Variants in MCM9 observed in about 807,000 individuals in gnomAD.
The protein encoded by MCM9 is DNA helicase MCM9.
Under a neutral mutation model 72.8 loss-of-function variants are expected in MCM9, and 55 were observed. The ratio of observed to expected loss-of-function variants is 0.76; its 90% CI spans 0.61 to 0.95. The LOEUF is 0.95. MCM9 is among the 40% of genes least tolerant of loss of function. The pLI, the probability that MCM9 is intolerant of heterozygous loss-of-function variation, is 0.00. For synonymous variants in MCM9, 480 were observed against 503.4 expected, an observed-to-expected ratio of 0.95 and a Z score of 0.62; for missense variants, 1,279 against 1,377.0, an observed-to-expected ratio of 0.93 and a Z score of 1.13.
At chr6:118,867,624 A>C (rs915590991) in intron 8 of MCM9, among the ~76,000 whole-genome samples, 3 of 152,234 alleles carry the variant, frequency 2.0e-5, no homozygotes, top group African/African-American at 7.2e-5. Context: ...TATTCCATAC[A>C]GTAACATGCT....
At chr6:118,926,090 T>C (rs1781870029) in intron 3 of MCM9, among the ~76,000 whole-genome samples, 1 of 152,204 alleles carries the variant, frequency 6.6e-6, no homozygotes. Context: ...TCACTCCCCA[T>C]TCTTCCATAA....
intron 8 of MCM9, among the ~76,000 whole-genome samples, chr6:118,896,972 G>A (rs1397673879): frequency 1.3e-5 from 2 of 151,882 alleles, no homozygotes; most frequent in African/African-American, 4.8e-5. Flanking sequence ...TGAATAGCTG[G>A]GACCATAGTC....
chr6:118,894,631 CG>C (rs1779218813), intron 8 of MCM9: 1 of 982,284 alleles, frequency 1.0e-6, no homozygotes, highest in Non-Finnish European at 1.5e-6. Flanking sequence ...CTGGCGGCCG[CG>C]GGCTGCTCTG....
At chr6:118,858,924 G>A (rs146361387) in intron 8 of MCM9, among the ~76,000 whole-genome samples, 11,624 of 152,150 alleles carry the variant, frequency 0.076, 686 homozygotes, top group East Asian at 0.19. Context: ...AATAAATAAA[G>A]TGACAAGGTG....
At chr6:118,837,381 G>T (rs1775034779) in intron 9 of MCM9, among the ~76,000 whole-genome samples, 1 of 152,164 alleles carries the variant, frequency 6.6e-6, no homozygotes, top group Non-Finnish European at 1.5e-5. Flanking sequence ...ATGTCTATTA[G>T]GTCCGCTTGG....
chr6:118,820,751 G>A (rs568237889), intron 13 of MCM9, among the ~76,000 whole-genome samples: 1 of 152,226 alleles, frequency 6.6e-6, no homozygotes, highest in East Asian at 1.9e-4. Context: ...TATTGTGTGG[G>A]AGTCTAAGTT....
At position 118,827,946 on chromosome 6, in the gene MCM9, G is replaced by A; in HGVS notation, c.1713C>T (p.Ser571=). The change falls in exon 11 of 14, where the codon AGC becomes AGT. Residue 571 remains serine, a synonymous_variant. Coordinates refer to ENST00000619706, the MANE Select transcript of MCM9 (RefSeq NM_017696.3). ...AARTTIRLLE[S]LIRLAEAHAR... ...ATAGACCTTCTGCTAATCGTATCAA[G>A]CTTTCCAACAGCCGAATGGTGGTCC... 1.3e-6 allele frequency: 2 copies of A among 1,550,960 alleles called. No individual in the cohort carries two copies. Among genetic ancestry groups the A allele is most frequent in the South Asian group, 2.4e-5 (2 of 84,062 alleles).
chr6:118,924,861 T>C (rs866339335), intron 3 of MCM9, among the ~76,000 whole-genome samples: 3 of 152,076 alleles, frequency 2.0e-5, no homozygotes, highest in East Asian at 1.9e-4. Flanking sequence ...CTGGGCAACA[T>C]AGTGGGACCC....
Position 118,856,413 on chromosome 6 carries a change from T to C in MCM9, c.1283A>G (p.His428Arg), listed in dbSNP as rs1776554491. ...SLKEHDRTSIHEAMEQQTISV... is the reference protein window; with the variant it reads ...SLKEHDRTSIREAMEQQTISV... ...TATGGTTTGTTGCTCCATTGCTTCA[T>C]GGATACTGGTCCTATCATGCTCTTT... The change falls in exon 9 of 14, where the codon CAT becomes CGT. Residue 428 changes from histidine to arginine, a missense_variant. His to Arg is a conservative substitution (Grantham distance 29). Transcript: ENST00000619706. 1 of 1,535,648 alleles carries C rather than the reference T, an allele frequency of 6.5e-7. No homozygotes were observed. Among genetic ancestry groups the C allele is most frequent in the Non-Finnish European group, 8.7e-7 (1 of 1,146,870 alleles).
At chr6:118,911,170 A>T (rs1300847307) in intron 8 of MCM9, 19 of 985,252 alleles carry the variant, frequency 1.9e-5, no homozygotes, top group Non-Finnish European at 2.2e-5. Context: ...ATGAAGCTCC[A>T]CATTGCAATG....
chr6:118,912,133 G>A (rs2114585568), intron 7 of MCM9: 1 of 159,628 alleles, frequency 6.3e-6, no homozygotes, highest in Non-Finnish European at 1.4e-5. Flanking sequence ...GCCTGGGCAA[G>A]ACTCCATGTC....
At chr6:118,845,519 A>C (rs1326340472) in intron 9 of MCM9, among the ~76,000 whole-genome samples, 1 of 151,810 alleles carries the variant, frequency 6.6e-6, no homozygotes, top group East Asian at 1.9e-4. Flanking sequence ...GAGCTCTTTT[A>C]AAAAAATTTT....
chr6:118,815,064 A>C lies in MCM9; in HGVS notation c.3192T>G (p.Thr1064=). 3 of 1,550,584 alleles carry C rather than the reference A, an allele frequency of 1.9e-6. No individual in the cohort carries two copies. Among genetic ancestry groups the C allele is most frequent in the Non-Finnish European group, 1.7e-6 (2 of 1,146,882 alleles). The change falls in exon 14 of 14, where the codon ACT becomes ACG. Residue 1064 remains threonine (T), a synonymous_variant. Transcript: ENST00000619706. ...TLARLANFCF[T]PPSESKSKSP... ...ATTTTGATTTGGATTCCGATGGGGGAGTAAAGCAGAAGTTTGCCAATCTGG... is the reference window on the plus strand; with the variant it reads ...ATTTTGATTTGGATTCCGATGGGGGCGTAAAGCAGAAGTTTGCCAATCTGG...
chr6:118,924,224 T>G, intron 3 of MCM9, 97 bp from the exon 4 acceptor site: 1 of 1,105,304 alleles, frequency 9.0e-7, no homozygotes, highest in Admixed American at 2.3e-5. Flanking sequence ...TAAATTTTAA[T>G]TTCAGGGGGA....
In MCM9 at chr6:118,893,922, TCCCGCCGCAGCCACGCCTC is replaced by T. The variant is rs931219561; in HGVS notation, c.1150+17709_1150+17727del. 16 of 721,568 alleles carry T rather than the reference TCCCGCCGCAGCCACGCCTC, an allele frequency of 2.2e-5. No homozygotes were observed. The South Asian group carries it at 4.9e-4, about 22-fold the overall frequency. The allele number at this position is 721,568 out of a possible 1,614,324, so 44.7% of individuals were successfully genotyped here. A position where few individuals can be genotyped will look rare whatever the true frequency, so the allele number is the denominator to read the frequency against. ...GGCGGGCGTCGGCCGGATCGCGCCC[TCCCGCCGCAGCCACGCCTC>T]CCCGCCGCGGCCACGCCCCCTCCGC... On this transcript the variant is annotated intron_variant, in intron 8 of 13. Transcript: ENST00000619706.
At chr6:118,924,935 T>C (rs774664642) in intron 3 of MCM9, among the ~76,000 whole-genome samples, 1 of 151,750 alleles carries the variant, frequency 6.6e-6, no homozygotes, top group Non-Finnish European at 1.5e-5. Context: ...CCCCAGCAAC[T>C]CGGTAGGGCT....
At chr6:118,850,363 T>C (rs36186488) in intron 9 of MCM9, among the ~76,000 whole-genome samples, 20,484 of 151,848 alleles carry the variant, frequency 0.13, 1,639 homozygotes, top group Non-Finnish European at 0.17. Flanking sequence ...CACCTTTATA[T>C]ACATATGAAA....
At position 118,815,752 on chromosome 6, in the gene MCM9, T is replaced by C. The variant is rs1254950737; in HGVS notation, c.2504A>G (p.Lys835Arg). 6.5e-7 allele frequency: 1 copy of C among 1,542,998 alleles called. No homozygotes were observed. Among genetic ancestry groups the C allele is most frequent in the African/African-American group, 1.4e-5 (1 of 73,040 alleles). ...LDSEAAVSAD[K>R]PDSVLTHHVP... ...ATGATGAGTCAGTACTGAGTCTGGT[T>C]TATCAGCAGAGACTGCTGCTTCAGA... is the stretch of plus-strand genomic sequence containing the variant. The change falls in exon 14 of 14, where the codon AAA becomes AGA. Residue 835 changes from lysine (K) to arginine (R), a missense_variant. Physicochemically the swap from Lys to Arg is conservative, Grantham distance 26. Transcript: ENST00000619706.
intron 8 of MCM9, among the ~76,000 whole-genome samples, chr6:118,883,335 G>T (rs1778411451): frequency 1.3e-5 from 2 of 151,886 alleles, no homozygotes. Context: ...GAGTGTCAAA[G>T]AAATGTTGTA....
Sources: gnomAD v4.1 joint callset for allele counts (sites outside exome capture counted in the v4.1 genomes callset) on GRCh38, gnomAD v4.1.1 for gene constraint, MANE v1.5 for transcripts, NCBI Gene and HGNC (gene_info 2026-07-23, HGNC 2026-07-21) for gene names.